PCDHGA8: variants seen among roughly 807,000 people sequenced by gnomAD.
PCDHGA8 encodes protocadherin gamma subfamily A, 8.
Under a neutral mutation model 59.2 loss-of-function variants are expected in PCDHGA8, and 45 were observed. That is an observed-to-expected ratio of 0.76 (90% CI 0.60 to 0.98). The LOEUF (loss-of-function observed/expected upper bound fraction) is 0.98, where lower values mean the gene tolerates loss of function less well. Ranked by LOEUF, PCDHGA8 falls within the 50% of genes least tolerant of loss-of-function variation. The pLI is 0.00. For missense variants in PCDHGA8, 1,257 were observed against 1,196.2 expected (o/e 1.05, Z -0.75); for synonymous variants, 531 against 519.0 (o/e 1.02, Z -0.32).
intron 1 of PCDHGA8, chr5:141,423,903 AG>A: frequency 7.8e-7 from 1 of 1,276,130 alleles, no homozygotes. Context: ...TTGATTTCAA[AG>A]GGGCCATTCA....
At chr5:141,425,353 T>C (rs868017955) in intron 1 of PCDHGA8, among the ~76,000 whole-genome samples, 2 of 152,296 alleles carry the variant, frequency 1.3e-5, no homozygotes, top group Middle Eastern at 3.4e-3. Context: ...CTTTGAAATG[T>C]GATATTAAGA....
At chr5:141,419,204 G>A (rs1291977951) in intron 1 of PCDHGA8, 1 of 1,613,798 alleles carries the variant, frequency 6.2e-7, no homozygotes, top group Non-Finnish European at 8.5e-7. Flanking sequence ...CAATGACAAC[G>A]CGCCGGTTTT....
intron 1 of PCDHGA8, chr5:141,415,910 A>G: frequency 1.3e-6 from 1 of 757,484 alleles, no homozygotes; most frequent in Non-Finnish European, 1.8e-6. Context: ...ACTTCCATAC[A>G]GAAGTGCCTG....
rs569260568 is a variant in PCDHGA8, at chr5:141,408,294, A to G, written c.2424+13057A>G. The G allele has an allele frequency of 2.0e-5, 33 of 1,613,508 alleles. No homozygotes were observed. The East Asian group carries it at 7.1e-4, about 35-fold the overall frequency. ...CCTTTGTTCTACCCCACCCTGAGTG[A>G]GCCGATCCGCTACTCGATTCCGGAG... is the stretch of plus-strand genomic sequence containing the variant. On this transcript the variant is annotated intron_variant, in intron 1 of 3. Coordinates refer to ENST00000398604, the MANE Select transcript of PCDHGA8 (RefSeq NM_032088.2).
intron 1 of PCDHGA8, chr5:141,409,662 TCTC>T (rs1473145245): frequency 2.5e-6 from 4 of 1,613,562 alleles, no homozygotes; most frequent in Admixed American, 1.7e-5. Context: ...AATGGCCACA[TCTC>T]CTACTCTATA....
rs1451071413 is a variant in PCDHGA8, at chr5:141,415,742, T to G, written c.2424+20505T>G. 19 of 216,608 alleles carry G rather than the reference T, an allele frequency of 8.8e-5. 1 individual carries two copies. In the Admixed American group the frequency reaches 4.5e-3, roughly 51 times the overall value. 13.4% of individuals were successfully genotyped at this position (216,608 alleles called of 1,614,324 possible). ...AGTAGAATTTGATGTTTATTAAGGT[T>G]TTTTTTTTTTTTTTTTTTTTTTTTT... On this transcript the variant is annotated intron_variant, in intron 1 of 3. Transcript: ENST00000398604.
At position 141,399,158 on chromosome 5, in the gene PCDHGA8, C is replaced by T. The variant is rs575806440; in HGVS notation, c.2424+3921C>T. 17 of 1,613,790 alleles carry T rather than the reference C, an allele frequency of 1.1e-5. No homozygotes were observed. The East Asian group carries it at 2.9e-4, about 27-fold the overall frequency. On this transcript the variant is annotated intron_variant, in intron 1 of 3. Transcript: ENST00000398604. The stretch of plus-strand genomic sequence containing the variant: ...GAAAATGACAATAGCCCAGAAGTTA[C>T]ATTCCATTCTCTACTTGAAATGATT...
rs1052219950 is a variant in PCDHGA8, at chr5:141,476,865, G to A, written c.2425-17942G>A. The A allele has an allele frequency of 1.2e-6, 2 of 1,613,752 alleles. No individual in the cohort carries two copies. Among genetic ancestry groups the A allele is most frequent in the African/African-American group, 1.3e-5 (1 of 74,958 alleles). On this transcript the variant is annotated intron_variant, in intron 1 of 3. Coordinates refer to ENST00000398604, the MANE Select transcript of PCDHGA8 (RefSeq NM_032088.2). This position sits in a 1 kb window ranked among gnomAD's most constrained non-coding sequence, Gnocchi z 7.6. ...CCTGTCTTCAACCAGTCCTTGTACC[G>A]GGCGCGCGTCCTGGAGGATGCACCC...
chr5:141,443,226 A>T (rs2098374954), intron 1 of PCDHGA8, among the ~76,000 whole-genome samples: 1 of 152,042 alleles, frequency 6.6e-6, no homozygotes, highest in Non-Finnish European at 1.5e-5. Flanking sequence ...CGCATCTATA[A>T]TCTTAGCACT....
In PCDHGA8 at chr5:141,432,847, G is replaced by C. The variant is rs768265171; in HGVS notation, c.2424+37610G>C. ...ACCTCACTCTGTACCTGGTGGTAGC[G>C]GTGGCCGCGGTCTCCTGCGTCTTCC... On this transcript the variant is annotated intron_variant, in intron 1 of 3. Transcript: ENST00000398604. The surrounding 1 kb of genome is among the most constrained non-coding windows in gnomAD (Gnocchi z 6.0). The C allele has an allele frequency of 1.2e-6, 2 of 1,614,180 alleles. No homozygotes were observed. Among genetic ancestry groups the C allele is most frequent in the Admixed American group, 1.7e-5 (1 of 60,032 alleles).
Position 141,450,631 on chromosome 5 carries a change from T to C in PCDHGA8, c.2425-44176T>C, listed in dbSNP as rs554043866. 6.1e-5 allele frequency among the ~76,000 whole-genome samples: 9 copies of C among 148,320 alleles called. No homozygotes were observed. In the East Asian group the frequency reaches 1.9e-3, roughly 31 times the overall value. Reference sequence around the variant, plus strand: ...CCTCCTGAGTAGCTGGGATTACAGATGCCTGCCACCATGCCTGGCTAATTT... The same window carrying C: ...CCTCCTGAGTAGCTGGGATTACAGACGCCTGCCACCATGCCTGGCTAATTT... On this transcript the variant is annotated intron_variant, in intron 1 of 3. Transcript: ENST00000398604.
intron 1 of PCDHGA8, chr5:141,416,537 G>T (rs2096038948): frequency 6.6e-6 from 1 of 152,082 alleles, no homozygotes; most frequent in Admixed American, 6.6e-5. Context: ...AATGTATAAG[G>T]AGGCAAACAC....
intron 1 of PCDHGA8, among the ~76,000 whole-genome samples, chr5:141,449,974 A>T (rs2098661108): frequency 6.6e-6 from 1 of 151,260 alleles, no homozygotes; most frequent in African/African-American, 2.4e-5. Context: ...TTTAGTCCAA[A>T]ATATCACACA....
chr5:141,454,798 T>A (rs866302149), intron 1 of PCDHGA8, among the ~76,000 whole-genome samples: 2 of 58,950 alleles, frequency 3.4e-5, no homozygotes, highest in Non-Finnish European at 6.4e-5. Context: ...TGGTTCTAAT[T>A]TTTTTTTTTT....
intron 1 of PCDHGA8, chr5:141,404,892 A>G (rs2094580163): frequency 1.2e-6 from 2 of 1,613,880 alleles, no homozygotes; most frequent in African/African-American, 1.3e-5. Flanking sequence ...GTGGCTGTAC[A>G]GGACCATGGC....
chr5:141,490,363 C>A lies in PCDHGA8; in HGVS notation c.2425-4444C>A. The A allele has an allele frequency of 6.2e-7, 1 of 1,614,154 alleles. No individual in the cohort carries two copies. Among genetic ancestry groups the A allele is most frequent in the South Asian group, 1.1e-5 (1 of 91,078 alleles). On this transcript the variant is annotated intron_variant, in intron 1 of 3. Coordinates refer to ENST00000398604, the MANE Select transcript of PCDHGA8 (RefSeq NM_032088.2). The surrounding 1 kb of genome is among the most constrained non-coding windows in gnomAD (Gnocchi z 5.4). Reference sequence around the variant, plus strand: ...CACAGTAGTGGGGTTGTTTAATGTGCGAGACCGGGACTCAGGTAGAAATGG... The same window carrying A: ...CACAGTAGTGGGGTTGTTTAATGTGAGAGACCGGGACTCAGGTAGAAATGG...
chr5:141,409,546 C>T lies in PCDHGA8; in HGVS notation c.2424+14309C>T, dbSNP rs775680397. 19 of 1,613,880 alleles carry T rather than the reference C, an allele frequency of 1.2e-5. No individual in the cohort carries two copies. The South Asian group carries it at 2.0e-4, about 17-fold the overall frequency. ...TGTATGTCGCTGACATCAACGACAA[C>T]GCCCCAGTTTTCGACCAGACGTCCT... On this transcript the variant is annotated intron_variant, in intron 1 of 3. Coordinates refer to ENST00000398604, the MANE Select transcript of PCDHGA8 (RefSeq NM_032088.2).
At position 141,405,317 on chromosome 5, in the gene PCDHGA8, G is replaced by A. The variant is rs1443108777; in HGVS notation, c.2424+10080G>A. ...CAGCCAGCAGAGCTGTGAGAAAAAT[G>A]AGCCTTTGTGCGTCTCTGTTGATTC... On this transcript the variant is annotated intron_variant, in intron 1 of 3. Coordinates refer to ENST00000398604, the MANE Select transcript of PCDHGA8 (RefSeq NM_032088.2). 2.5e-6 allele frequency: 4 copies of A among 1,614,080 alleles called. No individual in the cohort carries two copies. The African/African-American group carries it at 5.3e-5, about 22-fold the overall frequency.
In PCDHGA8 at chr5:141,490,701, C is replaced by T; in HGVS notation, c.2425-4106C>T. On this transcript the variant is annotated intron_variant, in intron 1 of 3. Transcript: ENST00000398604. This position sits in a 1 kb window ranked among gnomAD's most constrained non-coding sequence, Gnocchi z 5.4. Reference sequence around the variant, plus strand: ...CAGATCCAGACACTGGGGATAATGCCCGCCTCACCTACTCCATTGTAGGAA... The same window carrying T: ...CAGATCCAGACACTGGGGATAATGCTCGCCTCACCTACTCCATTGTAGGAA... The T allele has an allele frequency of 6.2e-7, 1 of 1,614,184 alleles. No individual in the cohort carries two copies. The highest frequency in any genetic ancestry group is 8.5e-7 in the Non-Finnish European group (1 of 1,180,008).
Sources: gnomAD v4.1 joint callset for allele counts (sites outside exome capture counted in the v4.1 genomes callset) on GRCh38, gnomAD v4.1.1 for gene constraint, Gnocchi (gnomAD v3.1) non-coding constraint, MANE v1.5 for transcripts, NCBI Gene and HGNC (gene_info 2026-07-23, HGNC 2026-07-21) for gene names.